GNAS-AS1: variants seen among roughly 807,000 people sequenced by gnomAD.
GNAS-AS1 encodes GNAS antisense RNA 1 (non-protein coding).
At chr20:58,822,404 C>T (rs1364671546) in intron 4 of GNAS-AS1, among the ~76,000 whole-genome samples, 1 of 152,180 alleles carries the variant, frequency 6.6e-6, no homozygotes, top group East Asian at 1.9e-4. Flanking sequence ...GGGGCGGCCG[C>T]ACCCCAGCTA....
intron 4 of GNAS-AS1, among the ~76,000 whole-genome samples, chr20:58,830,333 C>CCA (rs2085550475): frequency 1.6e-5 from 2 of 128,674 alleles, no homozygotes; most frequent in Non-Finnish European, 3.3e-5. Flanking sequence ...ATCATCACCA[C>CCA]CACCATCACC....
chr20:58,841,857 G>A lies in GNAS-AS1; in HGVS notation n.819+80C>T, dbSNP rs2085743419. The A allele has an allele frequency of 2.4e-6, 3 of 1,231,098 alleles. No individual in the cohort carries two copies. Among genetic ancestry groups the A allele is most frequent in the Non-Finnish European group, 3.0e-6 (3 of 987,976 alleles). 76.3% of individuals were successfully genotyped at this position (1,231,098 alleles called of 1,614,324 possible). The stretch of plus-strand genomic sequence containing the variant: ...GCGCAGGACCTCTGGAGGCCCTCGA[G>A]ATCGTCGCAAGTGGAAAGGTAAAGC... On this transcript the variant is annotated intron_variant and non_coding_transcript_variant, in intron 4 of 4. Coordinates refer to ENST00000424094, the Ensembl canonical transcript of GNAS-AS1. This position sits in a 1 kb window ranked among gnomAD's most constrained non-coding sequence, Gnocchi z 5.0.
intron 4 of GNAS-AS1, chr20:58,839,547 G>GC: frequency 2.5e-6 from 1 of 405,090 alleles, no homozygotes; most frequent in Non-Finnish European, 4.4e-6. Context: ...CACCCGCCAG[G>GC]CCCCCCGCCC....
At position 58,840,667 on chromosome 20, in the gene GNAS-AS1, C is replaced by T. The variant is rs769628289; in HGVS notation, n.819+1270G>A. The T allele has an allele frequency of 4.4e-6, 7 of 1,605,198 alleles. No individual in the cohort carries two copies. The South Asian group carries it at 7.7e-5, about 18-fold the overall frequency. On this transcript the variant is annotated intron_variant and non_coding_transcript_variant, in intron 4 of 4. Transcript: ENST00000424094. This position sits in a 1 kb window ranked among gnomAD's most constrained non-coding sequence, Gnocchi z 6.0. ...CGCCCAGCACTCAGGAGCCCCAGAG[C>T]CCCAGGGAAGGGGAGGAGCTCAAGC...
Position 58,830,245 on chromosome 20 carries a change from AC to A in GNAS-AS1, n.820-10991del, listed in dbSNP as rs1215305424. ...CACCACCATCACCACAATCACCACCACCACCATCAACGCCACACCATCACCA... is the reference window on the plus strand; with the variant it reads ...CACCACCATCACCACAATCACCACCACACCATCAACGCCACACCATCACCA... On this transcript the variant is annotated intron_variant and non_coding_transcript_variant, in intron 4 of 4. Transcript: ENST00000424094. 1.4e-3 allele frequency among the ~76,000 whole-genome samples: 200 copies of A among 143,676 alleles called. 2 individuals are homozygous for A. The highest frequency in any genetic ancestry group is 5.1e-3 in the African/African-American group (193 of 37,716). The allele number at this position is 143,676 out of a possible 152,430, so 94.3% of individuals were successfully genotyped here. A position where few individuals can be genotyped will look rare whatever the true frequency, so the allele number is the denominator to read the frequency against.
At chr20:58,832,014 C>G (rs2085571662) in intron 4 of GNAS-AS1, among the ~76,000 whole-genome samples, 1 of 152,204 alleles carries the variant, frequency 6.6e-6, no homozygotes, top group Non-Finnish European at 1.5e-5. Context: ...GAGGTAGTCT[C>G]TTCTACCAAA....
chr20:58,842,277 ATTT>A (rs200012486), intron 3 of GNAS-AS1: 2 of 384,014 alleles, frequency 5.2e-6, no homozygotes, highest in African/African-American at 2.1e-5. Context: ...TTGGAAATTG[ATTT>A]TTTTTTTCCT....
chr20:58,837,955 T>A (rs1386123268), intron 4 of GNAS-AS1, among the ~76,000 whole-genome samples: 3 of 152,200 alleles, frequency 2.0e-5, no homozygotes, highest in African/African-American at 4.8e-5. Flanking sequence ...GGTACCTGAC[T>A]GACTCTTCAG....
chr20:58,822,586 T>C (rs1449120330), intron 4 of GNAS-AS1, among the ~76,000 whole-genome samples: 2 of 152,214 alleles, frequency 1.3e-5, no homozygotes, highest in Non-Finnish European at 2.9e-5. Context: ...ACCATGTATC[T>C]GGGTGAGAGC....
At chr20:58,846,879 G>C (rs2085959942) in intron 2 of GNAS-AS1, among the ~76,000 whole-genome samples, 4 of 152,174 alleles carry the variant, frequency 2.6e-5, no homozygotes, top group African/African-American at 9.7e-5. Context: ...ATTTTAAGCA[G>C]AGCTTCCACT....
intron 4 of GNAS-AS1, among the ~76,000 whole-genome samples, chr20:58,828,323 G>GT (rs1447314724): frequency 1.3e-5 from 2 of 152,234 alleles, no homozygotes; most frequent in Non-Finnish European, 2.9e-5. Flanking sequence ...AGAAAAGAAT[G>GT]TGAAGCTGTG....
chr20:58,822,569 G>A (rs2085493689), intron 4 of GNAS-AS1, among the ~76,000 whole-genome samples: 2 of 152,178 alleles, frequency 1.3e-5, no homozygotes, highest in African/African-American at 4.8e-5. Context: ...CTGTGTGGTC[G>A]AAACATACCA....
At chr20:58,819,597 A>G (rs1339069869) in intron 4 of GNAS-AS1, among the ~76,000 whole-genome samples, 9 of 152,164 alleles carry the variant, frequency 5.9e-5, no homozygotes, top group Non-Finnish European at 1.3e-4. Flanking sequence ...GCCATCTGCC[A>G]GAGTCAAATT....
chr20:58,825,649 T>C lies in GNAS-AS1; in HGVS notation n.820-6394A>G, dbSNP rs6128440. Among the ~76,000 whole-genome samples the C allele has an allele frequency of 2.5e-3, 382 of 152,300 alleles. 2 individuals carry two copies. In the East Asian group the frequency reaches 0.031, roughly 13 times the overall value. Reference sequence around the variant, plus strand: ...AACCGTGAAGGTGGTGCGAAAATAATTGAAGTCAGCAAAAATGACCTCGAT... The same window carrying C: ...AACCGTGAAGGTGGTGCGAAAATAACTGAAGTCAGCAAAAATGACCTCGAT... On this transcript the variant is annotated intron_variant and non_coding_transcript_variant, in intron 4 of 4. Transcript: ENST00000424094.
In GNAS-AS1 at chr20:58,841,239, C is replaced by T; in HGVS notation, n.819+698G>A. Reference sequence around the variant, plus strand: ...CGGCATTGGTAAGTCACTTGTTTTGCGCGCTTTTCTTCCTCCTAGAAAGAC... The same window carrying T: ...CGGCATTGGTAAGTCACTTGTTTTGTGCGCTTTTCTTCCTCCTAGAAAGAC... On this transcript the variant is annotated intron_variant and non_coding_transcript_variant, in intron 4 of 4. Transcript: ENST00000424094. This position sits in a 1 kb window ranked among gnomAD's most constrained non-coding sequence, Gnocchi z 5.0. 2.3e-6 allele frequency: 2 copies of T among 869,194 alleles called. No homozygotes were observed. Among genetic ancestry groups the T allele is most frequent in the Non-Finnish European group, 2.9e-6 (2 of 682,452 alleles). 53.8% of individuals were successfully genotyped at this position (869,194 alleles called of 1,614,324 possible). A position where few individuals can be genotyped will look rare whatever the true frequency, so the allele number is the denominator to read the frequency against.
chr20:58,830,957 T>C (rs963925921), intron 4 of GNAS-AS1, among the ~76,000 whole-genome samples: 1 of 152,042 alleles, frequency 6.6e-6, no homozygotes, highest in African/African-American at 2.4e-5. Context: ...AAAACAGATA[T>C]AAAACGAGGG....
intron 4 of GNAS-AS1, among the ~76,000 whole-genome samples, chr20:58,831,975 C>A (rs79689280): frequency 6.6e-6 from 1 of 152,122 alleles, no homozygotes; most frequent in African/African-American, 2.4e-5. Context: ...ATTTGGGAAC[C>A]GCTGACTTAG....
At chr20:58,845,575 T>A (rs749129103) in intron 2 of GNAS-AS1, among the ~76,000 whole-genome samples, 8 of 152,164 alleles carry the variant, frequency 5.3e-5, no homozygotes, top group African/African-American at 1.7e-4. Flanking sequence ...AATTAAGTGA[T>A]GTAGCACCCA....
At chr20:58,823,704 A>G (rs1195953541) in intron 4 of GNAS-AS1, among the ~76,000 whole-genome samples, 1 of 152,242 alleles carries the variant, frequency 6.6e-6, no homozygotes, top group Non-Finnish European at 1.5e-5. Context: ...GCAGAGCTGC[A>G]GTCCGCTGGG....
Sources: gnomAD v4.1 joint callset for allele counts (sites outside exome capture counted in the v4.1 genomes callset) on GRCh38, gnomAD v4.1.1 for gene constraint, Gnocchi (gnomAD v3.1) non-coding constraint, MANE v1.5 for transcripts, NCBI Gene and HGNC (gene_info 2026-07-23, HGNC 2026-07-21) for gene names.